The following STK3 variants were observed in gnomAD, a reference collection of about 807,000 sequenced individuals.
The protein encoded by STK3 is serine/threonine kinase 3.
STK3 carries 41 observed loss-of-function variants against 58.0 expected under a neutral mutation model. The observed-to-expected ratio is 0.71, with a 90% CI of 0.55 to 0.92. STK3 has a LOEUF of 0.92. Ranked by LOEUF, STK3 falls within the 40% of genes least tolerant of loss-of-function variation. STK3 has a pLI of 0.00. For synonymous variants in STK3, 170 were observed against 191.0 expected (o/e 0.89, Z 0.91); for missense variants, 479 against 602.7 (o/e 0.79, Z 2.15).
chr8:98,580,363 T>G (rs888791629), intron 7 of STK3, among the ~76,000 whole-genome samples: 2 of 152,190 alleles, frequency 1.3e-5, no homozygotes, highest in Non-Finnish European at 2.9e-5. Context: ...TTAAAAAATA[T>G]CACCCTGATC....
intron 10 of STK3, among the ~76,000 whole-genome samples, chr8:98,506,116 TC>T (rs1327911699): frequency 1.3e-5 from 2 of 152,094 alleles, no homozygotes; most frequent in Non-Finnish European, 2.9e-5. Flanking sequence ...CGGATGCCCC[TC>T]CCCCTGCCAG....
chr8:98,521,400 T>C (rs1275770884), intron 10 of STK3, among the ~76,000 whole-genome samples: 3 of 152,124 alleles, frequency 2.0e-5, no homozygotes, highest in Non-Finnish European at 4.4e-5. Flanking sequence ...ATTTCAGCTA[T>C]TTCTGTTAAT....
chr8:98,506,440 G>GA, intron 10 of STK3, among the ~76,000 whole-genome samples: 1 of 152,300 alleles, frequency 6.6e-6, no homozygotes, highest in South Asian at 2.1e-4. Context: ...GATGAACCAG[G>GA]TACCTCAATT....
At chr8:98,564,953 A>G (rs944657546) in intron 8 of STK3, among the ~76,000 whole-genome samples, 3 of 152,200 alleles carry the variant, frequency 2.0e-5, no homozygotes, top group Non-Finnish European at 4.4e-5. Flanking sequence ...ATAAGATATT[A>G]ATAACAGGGA....
chr8:98,698,498 G>C (rs1046078329), intron 6 of STK3, among the ~76,000 whole-genome samples: 2 of 152,138 alleles, frequency 1.3e-5, no homozygotes, highest in African/African-American at 4.8e-5. Flanking sequence ...GCAGTGGCTG[G>C]TACCGGTTGT....
At chr8:98,432,900 TG>T in intron 3 of STK3, 1 of 163,852 alleles carries the variant, frequency 6.1e-6, no homozygotes. Context: ...GATTCGGGAA[TG>T]GGCAGTAATA....
intron 10 of STK3, among the ~76,000 whole-genome samples, chr8:98,506,103 T>C (rs952059544): frequency 3.9e-5 from 6 of 152,204 alleles, no homozygotes; most frequent in African/African-American, 1.2e-4. Flanking sequence ...GCCTCAGCAA[T>C]GGCGGATGCC....
intron 2 of STK3, among the ~76,000 whole-genome samples, chr8:98,768,708 TGCA>T: frequency 6.6e-6 from 1 of 152,256 alleles, no homozygotes; most frequent in Non-Finnish European, 1.5e-5. Context: ...AAAGAGAAGC[TGCA>T]ATCCCCACTT....
At chr8:98,620,427 T>A (rs1254061095) in intron 6 of STK3, among the ~76,000 whole-genome samples, 1 of 142,420 alleles carries the variant, frequency 7.0e-6, no homozygotes, top group Non-Finnish European at 1.5e-5. Flanking sequence ...GTAACTAACC[T>A]GCACAATGTG....
chr8:98,362,497 A>G, the STK3 span, among the ~76,000 whole-genome samples: 52 of 152,236 alleles, frequency 3.4e-4, no homozygotes, highest in East Asian at 8.9e-3. Flanking sequence ...AGACAAATCC[A>G]CTGCGCTTTA....
At chr8:98,725,785 T>C (rs1827756265) in intron 4 of STK3, among the ~76,000 whole-genome samples, 1 of 152,130 alleles carries the variant, frequency 6.6e-6, no homozygotes. Flanking sequence ...AATTTACATT[T>C]GTATAGAACT....
chr8:98,462,890 C>G (rs1160849383), intron 10 of STK3: 1 of 151,734 alleles, frequency 6.6e-6, no homozygotes, highest in Admixed American at 6.6e-5. Context: ...GTTATAGAAC[C>G]CTGTTATGTC....
chr8:98,567,978 A>G (rs1327489006), intron 8 of STK3, among the ~76,000 whole-genome samples: 1 of 151,964 alleles, frequency 6.6e-6, no homozygotes, highest in Non-Finnish European at 1.5e-5. Flanking sequence ...AAACTGCTTG[A>G]ACCCAGGAGG....
intron 6 of STK3, among the ~76,000 whole-genome samples, chr8:98,619,196 G>C (rs1249127803): frequency 9.3e-5 from 14 of 149,838 alleles, no homozygotes; most frequent in African/African-American, 2.5e-4. Context: ...ACAAACCTGA[G>C]AAAAACAAGC....
chr8:98,550,646 T>A (rs1811086123), intron 8 of STK3, among the ~76,000 whole-genome samples: 1 of 152,130 alleles, frequency 6.6e-6, no homozygotes, highest in African/African-American at 2.4e-5. Context: ...CTGGGTATAA[T>A]CCTCACTACA....
intron 6 of STK3, among the ~76,000 whole-genome samples, chr8:98,686,413 T>C (rs952531047): frequency 6.6e-6 from 1 of 152,216 alleles, no homozygotes; most frequent in Non-Finnish European, 1.5e-5. Context: ...AATAATTTAA[T>C]ATTAATGATT....
intron 10 of STK3, among the ~76,000 whole-genome samples, chr8:98,509,771 T>A (rs1329496584): frequency 6.6e-6 from 1 of 151,954 alleles, no homozygotes; most frequent in African/African-American, 2.4e-5. Flanking sequence ...ATTTTACCAA[T>A]ATTAAAGGAT....
At chr8:98,691,173 C>CT (rs1011101400) in intron 6 of STK3, among the ~76,000 whole-genome samples, 57 of 152,224 alleles carry the variant, frequency 3.7e-4, no homozygotes, top group African/African-American at 1.4e-3. Flanking sequence ...GCAATATACC[C>CT]TTGTAACAAA....
intron 6 of STK3, among the ~76,000 whole-genome samples, chr8:98,686,817 A>T (rs1824034569): frequency 6.6e-6 from 1 of 152,198 alleles, no homozygotes; most frequent in Non-Finnish European, 1.5e-5. Context: ...GACTAAACCA[A>T]GCAAAAGAAA....
Sources: gnomAD v4.1 joint callset for allele counts (sites outside exome capture counted in the v4.1 genomes callset) on GRCh38, gnomAD v4.1.1 for gene constraint, MANE v1.5 for transcripts, NCBI Gene and HGNC (gene_info 2026-07-23, HGNC 2026-07-21) for gene names.